Variants in NEK9 observed in about 807,000 individuals in gnomAD.
NEK9 encodes serine/threonine-protein kinase Nek9.
In NEK9, 75 loss-of-function variants were observed where a neutral mutation model predicts 123.4. That is an observed-to-expected ratio of 0.61 (90% CI 0.50 to 0.74). The LOEUF (loss-of-function observed/expected upper bound fraction) is 0.74. NEK9 is among the 30% of genes least tolerant of loss of function. The pLI is 0.00. For synonymous variants in NEK9, 438 were observed against 458.7 expected (o/e 0.95, Z 0.58); for missense variants, 952 against 1,214.4 (o/e 0.78, Z 3.21).
chr14:75,090,878 T>C (rs760995689), intron 19 of NEK9, among the ~76,000 whole-genome samples: 8 of 152,220 alleles, frequency 5.3e-5, no homozygotes, highest in Non-Finnish European at 1.0e-4. Flanking sequence ...CAATCCAACA[T>C]TTTTACTTTC....
At position 75,114,287 on chromosome 14, in the gene NEK9, G is replaced by A. The variant is rs868004129; in HGVS notation, c.789C>T (p.Ile263=). The change falls in exon 7 of 22, where the codon ATC becomes ATT. Residue 263 remains isoleucine (I), a synonymous_variant. Transcript: ENST00000238616. ...ATNPLNLCVK[I]VQGIRAMEVD... ...CTTCCATGGCCCGAATTCCTTGCACGATCTTCACACACAGGTTAAGTGGGT... is the reference window on the plus strand; with the variant it reads ...CTTCCATGGCCCGAATTCCTTGCACAATCTTCACACACAGGTTAAGTGGGT... 6 of 1,613,830 alleles carry A rather than the reference G, an allele frequency of 3.7e-6. No individual in the cohort carries two copies. The highest frequency in any genetic ancestry group is 2.7e-5 in the African/African-American group (2 of 74,890).
rs766868760 is a variant in NEK9 at position 75,107,580 on chromosome 14, G to C, written c.1183-93C>G. On this transcript the variant is annotated intron_variant, in intron 10 of 21. Transcript: ENST00000238616. ...GATGGGTTCTCGCTATGTTGCCCAA[G>C]CTGGTCTTGAACTCCTGGGCTCAAG... 19 of 1,138,706 alleles carry C rather than the reference G, an allele frequency of 1.7e-5. No individual in the cohort carries two copies. The highest frequency in any genetic ancestry group is 2.3e-5 in the Non-Finnish European group (19 of 841,498). 70.5% of individuals were successfully genotyped at this position (1,138,706 alleles called of 1,614,324 possible).
At chr14:75,114,120 T>C in intron 7 of NEK9, 83 bp downstream of exon 7, 2 of 944,344 alleles carry the variant, frequency 2.1e-6, no homozygotes, top group South Asian at 2.8e-5. Context: ...TGGTTTTGTA[T>C]GGTTTATAGC....
intron 2 of NEK9, among the ~76,000 whole-genome samples, chr14:75,121,805 G>A (rs1271026976): frequency 1.3e-5 from 2 of 152,220 alleles, no homozygotes; most frequent in Non-Finnish European, 2.9e-5. Flanking sequence ...GGGAGGCGGA[G>A]GTTGCAGTGA....
At chr14:75,107,566 G>A (rs1037950800) in intron 10 of NEK9, 79 bp from the exon 11 acceptor site, 65 of 1,245,788 alleles carry the variant, frequency 5.2e-5, no homozygotes, top group Non-Finnish European at 6.9e-5. Context: ...ATGGGTTCTC[G>A]CTATGTTGCC....
chr14:75,103,221 A>G (rs1040069532), intron 14 of NEK9, among the ~76,000 whole-genome samples: 1 of 152,108 alleles, frequency 6.6e-6, no homozygotes, highest in African/African-American at 2.4e-5. Context: ...AACTAAGACA[A>G]TATCAGTGGT....
At chr14:75,126,247 C>A (rs1384091016) in intron 1 of NEK9, among the ~76,000 whole-genome samples, 3 of 152,028 alleles carry the variant, frequency 2.0e-5, no homozygotes, top group South Asian at 2.1e-4. Context: ...GGAGTTGCCA[C>A]GGGTGTGGGG....
intron 14 of NEK9, among the ~76,000 whole-genome samples, chr14:75,102,650 C>A (rs1237777879): frequency 6.6e-6 from 1 of 152,188 alleles, no homozygotes; most frequent in Non-Finnish European, 1.5e-5. Flanking sequence ...CCGTGCCCGG[C>A]AACTGAATAT....
Position 75,107,407 on chromosome 14 carries a change from T to C in NEK9, c.1263A>G (p.Glu421=), listed in dbSNP as rs777382509. Residue 421 remains glutamate, a synonymous_variant, in exon 11 of 22, where the codon GAA becomes GAG. Transcript: ENST00000238616. The part of the protein sequence containing the change: ...KASYRQPKHV[E]KLQGKAIRQV... ...GACGGATAGCTTTGCCTTGCAACTT[T>C]TCCACATGCTTTGGCTGTCGATAGG... 3 of 1,614,026 alleles carry C rather than the reference T, an allele frequency of 1.9e-6. No homozygotes were observed. Among genetic ancestry groups the C allele is most frequent in the South Asian group, 2.2e-5 (2 of 91,066 alleles).
intron 19 of NEK9, 51 bp from the exon 20 acceptor site, chr14:75,088,692 T>A (rs761825348): frequency 6.5e-7 from 1 of 1,542,070 alleles, no homozygotes; most frequent in Non-Finnish European, 8.9e-7. Flanking sequence ...ATTTGCTTCC[T>A]CCCAAATTCC....
intron 6 of NEK9, among the ~76,000 whole-genome samples, chr14:75,114,897 G>C (rs763301970): frequency 1.3e-5 from 2 of 152,040 alleles, no homozygotes; most frequent in Non-Finnish European, 2.9e-5. Context: ...GGGGCTCAGA[G>C]ATGTAAAGTA....
Position 75,084,417 on chromosome 14 carries a change from A to G in NEK9, c.*147T>C, listed in dbSNP as rs1893953803. On this transcript the variant is annotated 3_prime_UTR_variant, in exon 22 of 22. Transcript: ENST00000238616. The stretch of plus-strand genomic sequence containing the variant: ...TCTAAAAGGCAATGCCACTCTCCAA[A>G]TGTACAAGGAAAGTGCTTCAGAGCC... 1 of 891,294 alleles carries G rather than the reference A, an allele frequency of 1.1e-6. No homozygotes were observed. The highest frequency in any genetic ancestry group is 2.5e-5 in the East Asian group (1 of 40,660). The allele number at this position is 891,294 out of a possible 1,614,324, so 55.2% of individuals were successfully genotyped here.
At chr14:75,098,793 T>C (rs1179756745) in intron 16 of NEK9, among the ~76,000 whole-genome samples, 2 of 152,134 alleles carry the variant, frequency 1.3e-5, no homozygotes, top group Non-Finnish European at 2.9e-5. Context: ...CAAATTTACA[T>C]TCCTCATTCT....
intron 5 of NEK9, among the ~76,000 whole-genome samples, chr14:75,118,081 T>C (rs562448248): frequency 1.3e-5 from 2 of 152,300 alleles, no homozygotes; most frequent in East Asian, 3.9e-4. Flanking sequence ...GAAAAATCCA[T>C]ATAAAGATAT....
chr14:75,100,338 C>T (rs867905936), intron 16 of NEK9, among the ~76,000 whole-genome samples: 2 of 151,618 alleles, frequency 1.3e-5, no homozygotes, highest in Admixed American at 6.6e-5. Context: ...CCCAGCTACT[C>T]GGGAGGCTGA....
At chr14:75,119,100 G>A (rs1308666043) in intron 4 of NEK9, among the ~76,000 whole-genome samples, 165 bp from the exon 5 acceptor site, 5 of 152,064 alleles carry the variant, frequency 3.3e-5, no homozygotes, top group African/African-American at 1.2e-4. Context: ...AGTACTGCTT[G>A]AGGCCAGGAG....
chr14:75,112,827 CAAACAAA>C (rs1295365885), intron 8 of NEK9, among the ~76,000 whole-genome samples: 4 of 151,972 alleles, frequency 2.6e-5, no homozygotes, highest in Admixed American at 6.6e-5. Flanking sequence ...TCTCAGAAAA[CAAACAAA>C]AAACAAAAAA....
chr14:75,117,036 TG>T (rs939064663), intron 6 of NEK9, among the ~76,000 whole-genome samples, 158 bp downstream of exon 6: 1 of 152,172 alleles, frequency 6.6e-6, no homozygotes, highest in African/African-American at 2.4e-5. Flanking sequence ...TGCGCCTGGC[TG>T]GGTCTATAGC....
chr14:75,124,246 C>T (rs781446250), intron 1 of NEK9, 23 bp from the exon 2 acceptor site: 31 of 1,601,274 alleles, frequency 1.9e-5, no homozygotes, highest in African/African-American at 2.7e-5. Flanking sequence ...ACAGAGGTAT[C>T]GTGCTTTTCC....
Sources: allele counts gnomAD v4.1 joint callset (sites outside exome capture counted in the v4.1 genomes callset), GRCh38; gene constraint gnomAD v4.1.1; transcripts MANE v1.5; gene names NCBI Gene and HGNC (gene_info 2026-07-23, HGNC 2026-07-21).